RNF43: variants seen among roughly 807,000 people sequenced by gnomAD.
RNF43 encodes E3 ubiquitin-protein ligase RNF43.
In RNF43, 37 loss-of-function variants were observed where a neutral mutation model predicts 78.4. That is an observed-to-expected ratio of 0.47 (90% CI 0.36 to 0.62). The LOEUF (loss-of-function observed/expected upper bound fraction) is 0.62. RNF43 is among the 20% of genes least tolerant of loss of function. The pLI is 0.00. For synonymous variants in RNF43, 347 were observed against 395.0 expected (o/e 0.88, Z 1.44); for missense variants, 774 against 1,007.9 (o/e 0.77, Z 3.14).
chr17:58,396,590 C>T (rs1973686758), intron 2 of RNF43, among the ~76,000 whole-genome samples: 1 of 152,162 alleles, frequency 6.6e-6, no homozygotes, highest in East Asian at 1.9e-4. Context: ...ATGCTCTCAA[C>T]AGGCAAAATT....
At chr17:58,390,437 G>C (rs1973528589) in intron 2 of RNF43, among the ~76,000 whole-genome samples, 1 of 152,104 alleles carries the variant, frequency 6.6e-6, no homozygotes, top group African/African-American at 2.4e-5. Flanking sequence ...CTTTACACTT[G>C]GGATTCTGGT....
At chr17:58,382,703 C>T (rs950331196) in intron 2 of RNF43, among the ~76,000 whole-genome samples, 6 of 152,194 alleles carry the variant, frequency 3.9e-5, no homozygotes, top group Non-Finnish European at 8.8e-5. Context: ...CCTTCTGCCC[C>T]AAAGGAACGA....
At chr17:58,364,574 T>G (rs573954191) in intron 3 of RNF43, among the ~76,000 whole-genome samples, 83 of 152,342 alleles carry the variant, frequency 5.4e-4, no homozygotes, top group Non-Finnish European at 8.7e-4. Flanking sequence ...GAGCTGCTCC[T>G]GGGCTTGGCC....
intron 2 of RNF43, among the ~76,000 whole-genome samples, chr17:58,406,422 T>C (rs1200085898): frequency 1.3e-5 from 2 of 152,328 alleles, no homozygotes; most frequent in Non-Finnish European, 1.5e-5. Context: ...GGACTGATTG[T>C]TTTTTCTAGC....
chr17:58,409,942 C>A (rs1248034241), intron 2 of RNF43, among the ~76,000 whole-genome samples: 2 of 151,982 alleles, frequency 1.3e-5, no homozygotes, highest in Non-Finnish European at 2.9e-5. Context: ...GGGCTAATTA[C>A]AACACACACA....
At chr17:58,392,389 AT>A (rs1374112615) in intron 2 of RNF43, among the ~76,000 whole-genome samples, 14 of 152,380 alleles carry the variant, frequency 9.2e-5, no homozygotes, top group African/African-American at 3.4e-4. Flanking sequence ...TGAACTTATC[AT>A]CAAATAATGC....
rs2143389813 is a variant in RNF43, at chr17:58,357,667, A to G, written c.2109T>C (p.Pro703=). 1 of 1,613,434 alleles carries G rather than the reference A, an allele frequency of 6.2e-7. No homozygotes were observed. The highest frequency in any genetic ancestry group is 8.5e-7 in the Non-Finnish European group (1 of 1,179,620). ...GTAGCAGCCTCTTGTCCAGGCCTGG[A>G]GGTCCACAGATCAAGGGGTGTGCCT... is the stretch of plus-strand genomic sequence containing the variant. ...SPEAHPLICG[P]PGLDKRLLPE... Residue 703 remains proline (P), a synonymous_variant, in exon 9 of 10, where the codon CCT becomes CCC. Coordinates refer to ENST00000407977, the MANE Select transcript of RNF43 (RefSeq NM_017763.6). The surrounding 1 kb of genome is among the most constrained non-coding windows in gnomAD (Gnocchi z 4.5).
Position 58,370,060 on chromosome 17 carries a change from G to GTTTTTT in RNF43, c.375+845_375+850dup, listed in dbSNP as rs56372311. 3.8e-4 allele frequency among the ~76,000 whole-genome samples: 37 copies of GTTTTTT among 96,268 alleles called. 2 individuals carry two copies. Among genetic ancestry groups the GTTTTTT allele is most frequent in the Non-Finnish European group, 5.3e-4 (26 of 49,484 alleles). The allele number at this position is 96,268 out of a possible 152,430, so 63.2% of individuals were successfully genotyped here. On this transcript the variant is annotated intron_variant, in intron 3 of 9. Transcript: ENST00000407977. ...TCTTCTAAAGAAGCTGAAAATCTGA[G>GTTTTTT]TTTTTTTTTTTTTTTTTTTTTTTTT...
At chr17:58,404,120 T>G (rs1001339502) in intron 2 of RNF43, among the ~76,000 whole-genome samples, 8 of 152,232 alleles carry the variant, frequency 5.3e-5, no homozygotes, top group African/African-American at 1.7e-4. Context: ...ACCAGAAGAC[T>G]GGGAGTACAA....
intron 2 of RNF43, among the ~76,000 whole-genome samples, chr17:58,386,956 A>C (rs1349450392): frequency 2.0e-5 from 3 of 152,120 alleles, no homozygotes; most frequent in African/African-American, 7.2e-5. Context: ...CCTGGCCTAT[A>C]CTCTCACTTA....
chr17:58,367,521 T>C (rs1336238504), intron 3 of RNF43, among the ~76,000 whole-genome samples: 2 of 152,152 alleles, frequency 1.3e-5, no homozygotes, highest in African/African-American at 4.8e-5. Context: ...TACTACCAGG[T>C]AGTGGCCTCC....
chr17:58,410,160 G>A (rs1973998887), intron 2 of RNF43, among the ~76,000 whole-genome samples: 1 of 152,100 alleles, frequency 6.6e-6, no homozygotes, highest in African/African-American at 2.4e-5. Context: ...ACAAATTTTT[G>A]TTGAAGTACA....
In RNF43 at chr17:58,357,306, G is replaced by T; in HGVS notation, c.2308+162C>A. 1 of 915,312 alleles carries T rather than the reference G, an allele frequency of 1.1e-6. No homozygotes were observed. The highest frequency in any genetic ancestry group is 1.7e-6 in the Non-Finnish European group (1 of 574,512). 56.7% of individuals were successfully genotyped at this position (915,312 alleles called of 1,614,324 possible). Reference sequence around the variant, plus strand: ...AGAGGTGGGGTGTTCCTGCACTCTAGCCAGCATGATACGCTGTCCCGATGG... The same window carrying T: ...AGAGGTGGGGTGTTCCTGCACTCTATCCAGCATGATACGCTGTCCCGATGG... On this transcript the variant is annotated intron_variant, in intron 9 of 9. Transcript: ENST00000407977. The surrounding 1 kb of genome is among the most constrained non-coding windows in gnomAD (Gnocchi z 4.5).
intron 2 of RNF43, among the ~76,000 whole-genome samples, chr17:58,407,848 C>T (rs1189300360): frequency 6.6e-6 from 1 of 152,168 alleles, no homozygotes; most frequent in Non-Finnish European, 1.5e-5. Context: ...AAAGCCACGA[C>T]GGTTCTACTA....
chr17:58,412,792 T>C (rs1486746575), intron 2 of RNF43, among the ~76,000 whole-genome samples: 1 of 151,962 alleles, frequency 6.6e-6, no homozygotes, highest in African/African-American at 2.4e-5. Flanking sequence ...TTTTCAGAAA[T>C]TATCTCAGAA....
At position 58,358,131 on chromosome 17, in the gene RNF43, G is replaced by A. The variant is rs1428642923; in HGVS notation, c.1645C>T (p.His549Tyr). The change falls in exon 9 of 10, where the codon CAC (histidine) becomes TAC (tyrosine). Residue 549 changes from histidine (H) to tyrosine (Y), a missense_variant. Physicochemically the swap from His to Tyr is moderately conservative, Grantham distance 83. Coordinates refer to ENST00000407977, the MANE Select transcript of RNF43 (RefSeq NM_017763.6). This position sits in a 1 kb window ranked among gnomAD's most constrained non-coding sequence, Gnocchi z 6.2. ...TGETQVSSHVHYHRHRHHHYK... is the reference protein window; with the variant it reads ...TGETQVSSHVYYHRHRHHHYK... ...TGGTGGTGCCGGTGGCGGTGGTAGT[G>A]GACATGGCTGGAAACCTGGGTTTCC... 1.9e-6 allele frequency: 3 copies of A among 1,613,106 alleles called. No homozygotes were observed. In the East Asian group the frequency reaches 6.7e-5, roughly 36 times the overall value.
At chr17:58,399,643 ATT>A (rs1370117543) in intron 2 of RNF43, among the ~76,000 whole-genome samples, 16 of 142,584 alleles carry the variant, frequency 1.1e-4, no homozygotes, top group Non-Finnish European at 1.4e-4. Flanking sequence ...AGTAGCAGCA[ATT>A]TTTTTTTTTT....
rs747738945 is a variant in RNF43, at chr17:58,360,843, C to T, written c.789G>A (p.Gly263=). The T allele has an allele frequency of 5.6e-6, 9 of 1,613,228 alleles. No homozygotes were observed. Among genetic ancestry groups the T allele is most frequent in the Non-Finnish European group, 7.6e-6 (9 of 1,179,616 alleles). ...RQARGEWPDS[G]SSCSSAPVCA... is the part of the protein sequence containing the mutation. ...ACACAGGGGCTGAGCTGCAGCTGCT[C>T]CCTGAGTCTGGCCACTCACCCCGGG... The change falls in exon 7 of 10, where the codon GGG becomes GGA. Residue 263 remains glycine (G), a synonymous_variant. Coordinates refer to ENST00000407977, the MANE Select transcript of RNF43 (RefSeq NM_017763.6). The surrounding 1 kb of genome is among the most constrained non-coding windows in gnomAD (Gnocchi z 4.3).
Position 58,360,711 on chromosome 17 carries a change from G to T in RNF43, c.849+72C>A. The T allele has an allele frequency of 6.7e-7, 1 of 1,499,030 alleles. No individual in the cohort carries two copies. The allele number at this position is 1,499,030 out of a possible 1,614,324, so 92.9% of individuals were successfully genotyped here. A position where few individuals can be genotyped will look rare whatever the true frequency, so the allele number is the denominator to read the frequency against. The stretch of plus-strand genomic sequence containing the variant: ...CCAGGGTACCCATACCAGCCCCTAG[G>T]CCTGCCCACCCCTCCCCCAGCTTCA... On this transcript the variant is annotated intron_variant, in intron 7 of 9. Coordinates refer to ENST00000407977, the MANE Select transcript of RNF43 (RefSeq NM_017763.6). This position sits in a 1 kb window ranked among gnomAD's most constrained non-coding sequence, Gnocchi z 4.3.
Sources: allele counts gnomAD v4.1 joint callset (sites outside exome capture counted in the v4.1 genomes callset), GRCh38; gene constraint gnomAD v4.1.1; non-coding constraint Gnocchi (gnomAD v3.1); transcripts MANE v1.5; gene names NCBI Gene and HGNC (gene_info 2026-07-23, HGNC 2026-07-21).